The following TIAM2 variants were observed in gnomAD, a reference collection of about 807,000 sequenced individuals.
The protein encoded by TIAM2 is TIAM Rac1 associated GEF 2.
A neutral mutation model predicts 152.9 loss-of-function variants in TIAM2; 80 were observed. The ratio of observed to expected loss-of-function variants is 0.52; its 90% CI spans 0.44 to 0.63. The LOEUF is 0.63. Ranked by LOEUF, TIAM2 falls within the 30% of genes least tolerant of loss-of-function variation. The probability of loss-of-function intolerance (pLI) is 0.00; values close to 1 mark genes in which losing one functional copy is unlikely to be tolerated. For synonymous variants in TIAM2, 804 were observed against 838.0 expected (o/e 0.96, Z 0.70); for missense variants, 1,965 against 2,120.1 (o/e 0.93, Z 1.44).
intron 15 of TIAM2, among the ~76,000 whole-genome samples, chr6:155,219,274 G>A (rs1303589366): frequency 1.3e-5 from 2 of 152,158 alleles, no homozygotes; most frequent in Non-Finnish European, 2.9e-5. Context: ...TTTCCAAAGG[G>A]TTGCTTCAAG....
intron 14 of TIAM2, among the ~76,000 whole-genome samples, chr6:155,193,368 G>T (rs557510635): frequency 2.8e-3 from 427 of 151,768 alleles, no homozygotes; most frequent in Non-Finnish European, 4.9e-3. Context: ...TTGTGCCACC[G>T]CACTCAGCCT....
chr6:155,028,433 T>C (rs1447201478), intron 1 of TIAM2, among the ~76,000 whole-genome samples: 1 of 133,178 alleles, frequency 7.5e-6, no homozygotes, highest in Non-Finnish European at 1.6e-5. Flanking sequence ...ATATAATATA[T>C]ATACTGTGTT....
intron 17 of TIAM2, 108 bp downstream of exon 17, chr6:155,244,187 C>A: frequency 9.2e-7 from 1 of 1,086,038 alleles, no homozygotes; most frequent in Non-Finnish European, 1.4e-6. Flanking sequence ...AAGAACATCC[C>A]AAGACTTAAC....
chr6:155,087,318 A>G (rs1160040499), intron 1 of TIAM2, among the ~76,000 whole-genome samples: 1 of 152,264 alleles, frequency 6.6e-6, no homozygotes, highest in East Asian at 1.9e-4. Flanking sequence ...CTTATATTTT[A>G]TAGTTTTCAG....
At chr6:155,048,022 C>T (rs1363539879) in intron 1 of TIAM2, among the ~76,000 whole-genome samples, 1 of 152,034 alleles carries the variant, frequency 6.6e-6, no homozygotes, top group East Asian at 1.9e-4. Context: ...GCGCGATCTC[C>T]ACTCACTGCA....
At chr6:155,241,259 A>G (rs1783019281) in intron 16 of TIAM2, among the ~76,000 whole-genome samples, 1 of 152,214 alleles carries the variant, frequency 6.6e-6, no homozygotes, top group South Asian at 2.1e-4. Context: ...TATCCATCTC[A>G]TAAGCCCCCA....
chr6:155,031,033 C>T (rs1345372057), intron 1 of TIAM2, among the ~76,000 whole-genome samples: 2 of 152,176 alleles, frequency 1.3e-5, no homozygotes, highest in East Asian at 3.8e-4. Context: ...CTGCTGTTCT[C>T]TTTGTTGTGT....
rs1160746732 is a variant in TIAM2, at chr6:155,257,399, T to TTAAG, written c.*280_*283dup. 2.8e-5 allele frequency: 11 copies of TTAAG among 396,052 alleles called. No homozygotes were observed. Among genetic ancestry groups the TTAAG allele is most frequent in the African/African-American group, 4.2e-5 (2 of 47,426 alleles). The allele number at this position is 396,052 out of a possible 1,614,324, so 24.5% of individuals were successfully genotyped here. ...GATCCTTAAAATTACATTCTAATAA[T>TTAAG]TAAGTTATGTGGAAAAAGTAAGGCT... On this transcript the variant is annotated 3_prime_UTR_variant, in exon 27 of 27. Coordinates refer to ENST00000682666, the MANE Select transcript of TIAM2 (RefSeq NM_012454.4).
chr6:155,029,927 G>T (rs896230103), intron 1 of TIAM2, among the ~76,000 whole-genome samples: 5 of 151,646 alleles, frequency 3.3e-5, no homozygotes, highest in Admixed American at 2.6e-4. Context: ...CAAGTAGCTG[G>T]GACCACAGGC....
In TIAM2 at chr6:155,164,133, G is replaced by GTTTTTTTTTTTTTTTTTT. The variant is rs375238178; in HGVS notation, c.2029-270_2029-269insTTTTTTTTTTTTTTTTTT. On this transcript the variant is annotated intron_variant, in intron 7 of 26. Transcript: ENST00000682666. ...TGGCACCACACCAGCTAATTTTTGT[G>GTTTTTTTTTTTTTTTTTT]TTTTTTTTTTTTCTTTTTTTTAGTA... 5.3e-4 allele frequency among the ~76,000 whole-genome samples: 62 copies of GTTTTTTTTTTTTTTTTTT among 118,020 alleles called. 9 individuals carry two copies. Among genetic ancestry groups the GTTTTTTTTTTTTTTTTTT allele is most frequent in the South Asian group, 3.5e-3 (11 of 3,158 alleles). 77.4% of individuals were successfully genotyped at this position (118,020 alleles called of 152,430 possible). A position where few individuals can be genotyped will look rare whatever the true frequency, so the allele number is the denominator to read the frequency against.
At position 155,057,017 on chromosome 6, in the gene TIAM2, C is replaced by CTTTTTTTTTTTTTTTT. The variant is rs71023612; in HGVS notation, c.-208-33258_-208-33243dup. 1.1e-4 allele frequency among the ~76,000 whole-genome samples: 5 copies of CTTTTTTTTTTTTTTTT among 43,866 alleles called. 1 individual carries two copies. The highest frequency in any genetic ancestry group is 1.7e-4 in the Non-Finnish European group (4 of 23,090). 28.8% of individuals were successfully genotyped at this position (43,866 alleles called of 152,430 possible). On this transcript the variant is annotated intron_variant, in intron 1 of 26. Coordinates refer to ENST00000682666, the MANE Select transcript of TIAM2 (RefSeq NM_012454.4). ...AGTAGAATGTTCCTCAGTTTTCTTT[C>CTTTTTTTTTTTTTTTT]TTTTTTTTTTTTTTTTTTTTTTTTT...
chr6:155,075,067 G>A (rs1777925629), intron 1 of TIAM2, among the ~76,000 whole-genome samples: 1 of 152,036 alleles, frequency 6.6e-6, no homozygotes, highest in African/African-American at 2.4e-5. Flanking sequence ...GTGGTACAGG[G>A]CCAGAGGGCA....
chr6:155,113,618 G>C lies in TIAM2; in HGVS notation c.-117-13872G>C, dbSNP rs143088914. ...GGGCTCCTGTAGTGCCAGCTACTTG[G>C]GAGGCTGCGGCAGGAGAATCACATG... On this transcript the variant is annotated intron_variant, in intron 2 of 26. Coordinates refer to ENST00000682666, the MANE Select transcript of TIAM2 (RefSeq NM_012454.4). 2.3e-4 allele frequency among the ~76,000 whole-genome samples: 35 copies of C among 152,228 alleles called. No homozygotes were observed. In the East Asian group the frequency reaches 6.8e-3, roughly 29 times the overall value.
chr6:155,034,926 C>T (rs1245696470), intron 1 of TIAM2, among the ~76,000 whole-genome samples: 1 of 152,060 alleles, frequency 6.6e-6, no homozygotes, highest in African/African-American at 2.4e-5. Flanking sequence ...TTTTCATTAG[C>T]TGATTATGAA....
rs764202748 is a variant in TIAM2 at position 155,137,472 on chromosome 6, A to G, written c.1490A>G (p.Asp497Gly). The G allele has an allele frequency of 1.2e-6, 2 of 1,614,124 alleles. No homozygotes were observed. The highest frequency in any genetic ancestry group is 1.1e-5 in the South Asian group (1 of 91,090). ...TCACTCAGCTCTCTGGAACAGCTGG[A>G]TCTGCTCTTTGAGAAGGAACAGGGG... ...SESLSSLEQL[D>G]LLFEKEQGVV... The change falls in exon 5 of 27, where the codon GAT becomes GGT. Residue 497 changes from aspartate to glycine, a missense_variant. Around this residue, in one of 3 missense-constraint regions of TIAM2, gnomAD observed 1,025 missense variants for 1,119.4 expected, o/e 0.92. Coordinates refer to ENST00000682666, the MANE Select transcript of TIAM2 (RefSeq NM_012454.4).
chr6:155,156,527 G>A lies in TIAM2; in HGVS notation c.2029-7888G>A, dbSNP rs899922306. On this transcript the variant is annotated intron_variant, in intron 7 of 26. Coordinates refer to ENST00000682666, the MANE Select transcript of TIAM2 (RefSeq NM_012454.4). This position sits in a 1 kb window ranked among gnomAD's most constrained non-coding sequence, Gnocchi z 4.4. ...AAAATAATTAGCCAGGTGTCGTGGC[G>A]CATACCTGTAATCCCAGCTACTCGG... Among the ~76,000 whole-genome samples the A allele has an allele frequency of 6.6e-6, 1 of 151,970 alleles. No individual in the cohort carries two copies. Among genetic ancestry groups the A allele is most frequent in the Non-Finnish European group, 1.5e-5 (1 of 67,994 alleles).
chr6:155,257,599 C>CTGTT lies in TIAM2; in HGVS notation c.*480_*483dup, dbSNP rs562177747. On this transcript the variant is annotated 3_prime_UTR_variant, in exon 27 of 27. Transcript: ENST00000682666. ...TTTGTAAGATAGATTGTAATAGATG[C>CTGTT]TGTTTATACTAAACATGTCATAACT... The CTGTT allele has an allele frequency of 1.3e-3, 663 of 497,822 alleles. 6 individuals are homozygous for CTGTT. The highest frequency in any genetic ancestry group is 0.011 in the African/African-American group (589 of 51,870). 30.8% of individuals were successfully genotyped at this position (497,822 alleles called of 1,614,324 possible). A position where few individuals can be genotyped will look rare whatever the true frequency, so the allele number is the denominator to read the frequency against.
intron 2 of TIAM2, among the ~76,000 whole-genome samples, chr6:155,098,793 T>C (rs192366195): frequency 5.9e-5 from 9 of 152,364 alleles, no homozygotes; most frequent in Non-Finnish European, 1.3e-4. Flanking sequence ...AAATCCACAT[T>C]TTTATGTCAC....
chr6:155,184,388 C>G (rs1780984190), intron 14 of TIAM2, among the ~76,000 whole-genome samples: 1 of 152,228 alleles, frequency 6.6e-6, no homozygotes, highest in African/African-American at 2.4e-5. Context: ...CACGGTAAGA[C>G]TTCCATATGA....
Sources: allele counts gnomAD v4.1 joint callset (sites outside exome capture counted in the v4.1 genomes callset), GRCh38; gene constraint gnomAD v4.1.1; regional missense constraint gnomAD v4.1.1; non-coding constraint Gnocchi (gnomAD v3.1); transcripts MANE v1.5; gene names NCBI Gene and HGNC (gene_info 2026-07-23, HGNC 2026-07-21).